The following TNFSF4 variants were observed in gnomAD, a reference collection of about 807,000 sequenced individuals.
The protein encoded by TNFSF4 is TNF superfamily member 4.
Under a neutral mutation model 7.3 loss-of-function variants are expected in TNFSF4, and 4 were observed. The ratio of observed to expected loss-of-function variants is 0.55; its 90% CI spans 0.27 to 1.25. TNFSF4 has a LOEUF of 1.25. TNFSF4 is among the 50% of genes most tolerant of loss of function. TNFSF4 has a pLI of 0.12. For missense variants in TNFSF4, 181 were observed against 208.8 expected (o/e 0.87, Z 0.82); for synonymous variants, 76 against 83.7 (o/e 0.91, Z 0.50).
chr1:173,384,049 G>A, the TNFSF4 span, among the ~76,000 whole-genome samples: 36 of 152,332 alleles, frequency 2.4e-4, no homozygotes, highest in African/African-American at 8.4e-4. Context: ...GCCACTTCAT[G>A]TAAGTCAAAG....
the TNFSF4 span, among the ~76,000 whole-genome samples, chr1:173,408,098 T>A: frequency 6.6e-6 from 1 of 152,192 alleles, no homozygotes; most frequent in Non-Finnish European, 1.5e-5. Flanking sequence ...GAAAATACAC[T>A]TCTGTTGTTT....
the TNFSF4 span, among the ~76,000 whole-genome samples, chr1:173,226,756 T>G: frequency 6.6e-6 from 1 of 152,246 alleles, no homozygotes; most frequent in Non-Finnish European, 1.5e-5. Flanking sequence ...GAACTGACTC[T>G]GCCAGAGACT....
At chr1:173,309,936 CA>C in the TNFSF4 span, among the ~76,000 whole-genome samples, 1 of 151,748 alleles carries the variant, frequency 6.6e-6, no homozygotes, top group African/African-American at 2.4e-5. Context: ...GTATCCTTTT[CA>C]CATACATTTT....
the TNFSF4 span, among the ~76,000 whole-genome samples, chr1:173,360,617 T>G: frequency 1.3e-5 from 2 of 152,288 alleles, no homozygotes; most frequent in South Asian, 4.1e-4. Flanking sequence ...TAGCTGGAGA[T>G]AGCAGACTTA....
At chr1:173,306,891 C>T in the TNFSF4 span, among the ~76,000 whole-genome samples, 1 of 151,892 alleles carries the variant, frequency 6.6e-6, no homozygotes, top group Admixed American at 6.6e-5. Context: ...AGGCCTCCAA[C>T]TCTCACCTTT....
chr1:173,250,101 G>C, the TNFSF4 span, among the ~76,000 whole-genome samples: 1 of 152,134 alleles, frequency 6.6e-6, no homozygotes, highest in Non-Finnish European at 1.5e-5. Context: ...CATACTCCCT[G>C]TTCGTCAGTG....
At chr1:173,369,787 C>T in the TNFSF4 span, among the ~76,000 whole-genome samples, 10 of 152,128 alleles carry the variant, frequency 6.6e-5, no homozygotes, top group African/African-American at 1.9e-4. Flanking sequence ...TGCAGCTTGA[C>T]CTTTTCTGTA....
chr1:173,209,602 T>G (rs1650308191), upstream of TNFSF4, among the ~76,000 whole-genome samples: 1 of 152,192 alleles, frequency 6.6e-6, no homozygotes, highest in African/African-American at 2.4e-5. Context: ...ACTCCTGGGC[T>G]TGAGCGATCC....
At chr1:173,216,696 C>T in the TNFSF4 span, among the ~76,000 whole-genome samples, 1 of 152,116 alleles carries the variant, frequency 6.6e-6, no homozygotes, top group Non-Finnish European at 1.5e-5. Context: ...CCCTTTCTGC[C>T]TCCTTAAGCT....
chr1:173,189,353 C>T (rs1451450250), intron 1 of TNFSF4, among the ~76,000 whole-genome samples: 1 of 152,170 alleles, frequency 6.6e-6, no homozygotes, highest in Admixed American at 6.5e-5. Flanking sequence ...TCCTGCATGT[C>T]TGGTCTTTCA....
chr1:173,439,134 T>C, the TNFSF4 span, among the ~76,000 whole-genome samples: 1 of 152,172 alleles, frequency 6.6e-6, no homozygotes, highest in African/African-American at 2.4e-5. Context: ...GAGGAGTAGA[T>C]TGAGTTCACT....
At chr1:173,287,835 A>T in the TNFSF4 span, among the ~76,000 whole-genome samples, 1 of 152,230 alleles carries the variant, frequency 6.6e-6, no homozygotes, top group Non-Finnish European at 1.5e-5. Context: ...GTTCAAAACC[A>T]CACAAAACTT....
chr1:173,200,394 A>G (rs1465989237), intron 1 of TNFSF4, among the ~76,000 whole-genome samples: 1 of 152,222 alleles, frequency 6.6e-6, no homozygotes. Context: ...CTGTTACTGC[A>G]AGTAGTACAT....
chr1:173,183,411 C>T (rs1047065795), downstream of TNFSF4, among the ~76,000 whole-genome samples: 1 of 152,114 alleles, frequency 6.6e-6, no homozygotes, highest in Non-Finnish European at 1.5e-5. Flanking sequence ...GTAATTACCA[C>T]TTAGGAGAGG....
At chr1:173,310,464 CATTTTGTAATTG>C in the TNFSF4 span, among the ~76,000 whole-genome samples, 1 of 151,844 alleles carries the variant, frequency 6.6e-6, no homozygotes, top group Non-Finnish European at 1.5e-5. Flanking sequence ...TTCAACTTAA[CATTTTGTAATTG>C]ATTTTTTGCT....
chr1:173,188,504 CT>C lies in TNFSF4; in HGVS notation c.202+16del, dbSNP rs758226139. ...CTTTCAAAAATATGAATCAATTAAA[CT>C]TTTGACAATACTTACCGGTAAATTG... On this transcript the variant is annotated intron_variant, in intron 2 of 2. Coordinates refer to ENST00000281834, the MANE Select transcript of TNFSF4 (RefSeq NM_003326.5). The C allele has an allele frequency of 2.5e-6, 4 of 1,591,172 alleles. No individual in the cohort carries two copies. In the African/African-American group the frequency reaches 5.4e-5, roughly 21 times the overall value.
the TNFSF4 span, among the ~76,000 whole-genome samples, chr1:173,325,421 C>A: frequency 6.6e-6 from 1 of 152,170 alleles, no homozygotes; most frequent in South Asian, 2.1e-4. Flanking sequence ...CAGGAAAGAT[C>A]TAAAATTGAC....
chr1:173,195,965 C>A (rs1261756259), intron 1 of TNFSF4, among the ~76,000 whole-genome samples: 1 of 152,144 alleles, frequency 6.6e-6, no homozygotes, highest in Non-Finnish European at 1.5e-5. Flanking sequence ...TTCATGCCAA[C>A]CAGTGGAGAT....
chr1:173,376,234 T>A, the TNFSF4 span, among the ~76,000 whole-genome samples: 2 of 152,202 alleles, frequency 1.3e-5, no homozygotes, highest in Non-Finnish European at 2.9e-5. Context: ...AAAGAAAATG[T>A]GGCACTATGG....
Sources: gnomAD v4.1 joint callset for allele counts (sites outside exome capture counted in the v4.1 genomes callset) on GRCh38, gnomAD v4.1.1 for gene constraint, MANE v1.5 for transcripts, NCBI Gene and HGNC (gene_info 2026-07-23, HGNC 2026-07-21) for gene names.